Variants in CREB3L2 observed in about 807,000 individuals in gnomAD.
CREB3L2 encodes the protein cAMP responsive element binding protein 3 like 2, also known as cyclic AMP-responsive element-binding protein 3-like protein 2.
In CREB3L2, 23 loss-of-function variants were observed where a neutral mutation model predicts 57.2. That is an observed-to-expected ratio of 0.40 (90% CI 0.29 to 0.57). CREB3L2 has a LOEUF of 0.57. Ranked by LOEUF, CREB3L2 falls within the 20% of genes least tolerant of loss-of-function variation. The pLI, the probability that CREB3L2 is intolerant of heterozygous loss-of-function variation, is 0.42. For missense variants in CREB3L2, 628 were observed against 634.7 expected, an observed-to-expected ratio of 0.99 and a Z score of 0.11; for synonymous variants, 268 against 265.1, an observed-to-expected ratio of 1.01 and a Z score of -0.11.
rs115510765 is a variant in CREB3L2, at chr7:137,879,248, G to A, written c.*1228C>T. 3.8e-3 allele frequency: 2,012 copies of A among 535,338 alleles called. 37 individuals carry two copies. Among genetic ancestry groups the A allele is most frequent in the African/African-American group, 0.033 (1,793 of 53,894 alleles). 33.2% of individuals were successfully genotyped at this position (535,338 alleles called of 1,614,324 possible). On this transcript the variant is annotated 3_prime_UTR_variant, in exon 12 of 12. Transcript: ENST00000330387. ...GGCGAGCTGCAAAGTAGCCAAACCT[G>A]ACTACCAAAGGTAAGAATGTGGATA...
chr7:137,986,004 GA>G (rs796153199), intron 1 of CREB3L2, among the ~76,000 whole-genome samples: 36 of 151,014 alleles, frequency 2.4e-4, no homozygotes, highest in Non-Finnish European at 4.0e-4. Context: ...AACTATTGGA[GA>G]AAAAAAAATA....
At position 137,946,890 on chromosome 7, in the gene CREB3L2, A is replaced by ATC. The variant is rs1187850801; in HGVS notation, c.103-18525_103-18524insGA. Among the ~76,000 whole-genome samples the ATC allele has an allele frequency of 1.8e-4, 8 of 44,248 alleles. 1 individual carries two copies. Among genetic ancestry groups the ATC allele is most frequent in the South Asian group, 7.3e-4 (1 of 1,368 alleles). 29.0% of individuals were successfully genotyped at this position (44,248 alleles called of 152,430 possible). A position where few individuals can be genotyped will look rare whatever the true frequency, so the allele number is the denominator to read the frequency against. On this transcript the variant is annotated intron_variant, in intron 1 of 11. Transcript: ENST00000330387. ...TATATATATAGTTATCTATATAGTT[A>ATC]TATATATAGTTATATATATAGTTAT...
chr7:137,901,584 A>G (rs920517691), intron 7 of CREB3L2, among the ~76,000 whole-genome samples, 162 bp from the exon 8 acceptor site: 3 of 144,788 alleles, frequency 2.1e-5, no homozygotes, highest in Non-Finnish European at 4.6e-5. Context: ...GAGACTTAAG[A>G]AAAAAAAAAA....
intron 9 of CREB3L2, 136 bp downstream of exon 9, chr7:137,885,267 G>A (rs1434554266): frequency 8.4e-6 from 10 of 1,185,788 alleles, no homozygotes; most frequent in African/African-American, 3.1e-5. Flanking sequence ...GTGCCTCACC[G>A]AGGAACAGCC....
intron 1 of CREB3L2, among the ~76,000 whole-genome samples, chr7:137,969,514 T>A (rs1218688017): frequency 2.0e-5 from 3 of 148,556 alleles, no homozygotes; most frequent in Admixed American, 6.7e-5. Flanking sequence ...ACCCGGCTAA[T>A]TTTTTTTTTG....
At chr7:137,978,404 G>T (rs2117311286) in intron 1 of CREB3L2, among the ~76,000 whole-genome samples, 1 of 152,278 alleles carries the variant, frequency 6.6e-6, no homozygotes, top group South Asian at 2.1e-4. Context: ...AGTGGCAGCT[G>T]CTTCCTTTAA....
chr7:137,899,067 G>A lies in CREB3L2; in HGVS notation c.1043+2287C>T, dbSNP rs372783388. On this transcript the variant is annotated intron_variant, in intron 8 of 11. Transcript: ENST00000330387. ...AAAAAGAAAGAAAGAAAAAGAAAGA[G>A]AAAGAAAGAAAAGGAAGAAAAAGGA... Among the ~76,000 whole-genome samples the A allele has an allele frequency of 2.0e-4, 7 of 34,176 alleles. No homozygotes were observed. In the South Asian group the frequency reaches 3.6e-3, roughly 17 times the overall value. 22.4% of individuals were successfully genotyped at this position (34,176 alleles called of 152,430 possible).
At chr7:137,976,161 G>A (rs951396475) in intron 1 of CREB3L2, among the ~76,000 whole-genome samples, 4 of 152,218 alleles carry the variant, frequency 2.6e-5, no homozygotes, top group Non-Finnish European at 5.9e-5. Context: ...TATTTTATCA[G>A]CCAGGAGTCT....
intron 6 of CREB3L2, among the ~76,000 whole-genome samples, chr7:137,904,436 C>T (rs545998947): frequency 1.1e-3 from 171 of 152,100 alleles, no homozygotes; most frequent in African/African-American, 3.8e-3. Flanking sequence ...GAGGCCAAGG[C>T]GGGTAGATCA....
Position 137,928,309 on chromosome 7 carries a change from C to T in CREB3L2, c.160G>A (p.Asp54Asn), listed in dbSNP as rs777820537. ...SQNVLGQLLN[D>N]PFLSEKSVSM... Reference sequence around the variant, plus strand: ...ACACTCTTCTCTGAGAGGAAAGGATCATTCAGGAGCTGACCCAAGACGTTC... The same window carrying T: ...ACACTCTTCTCTGAGAGGAAAGGATTATTCAGGAGCTGACCCAAGACGTTC... Residue 54 changes from aspartate (D) to asparagine (N), a missense_variant, in exon 2 of 12, where the codon GAT becomes AAT. Physicochemically the swap from Asp to Asn is conservative, Grantham distance 23 (BLOSUM62 1). Transcript: ENST00000330387. 9 of 1,614,154 alleles carry T rather than the reference C, an allele frequency of 5.6e-6. No homozygotes were observed. The South Asian group carries it at 6.6e-5, about 12-fold the overall frequency.
At chr7:137,944,447 C>T (rs920260559) in intron 1 of CREB3L2, among the ~76,000 whole-genome samples, 5 of 152,276 alleles carry the variant, frequency 3.3e-5, no homozygotes, top group Admixed American at 1.3e-4. Flanking sequence ...GAACCGACCA[C>T]GGAAAAAGTA....
intron 3 of CREB3L2, among the ~76,000 whole-genome samples, chr7:137,915,233 G>A (rs1002338262): frequency 6.6e-6 from 1 of 151,912 alleles, no homozygotes; most frequent in African/African-American, 2.4e-5. Flanking sequence ...TTCTACTTGC[G>A]GTAGGCATGG....
At chr7:137,922,386 A>G (rs28656868) in intron 2 of CREB3L2, among the ~76,000 whole-genome samples, 862 of 14,848 alleles carry the variant, frequency 0.058, 15 homozygotes, top group East Asian at 0.35. Flanking sequence ...ATATATATGT[A>G]TATATATATA....
chr7:137,899,057 A>AAAAG (rs201354013), intron 8 of CREB3L2, among the ~76,000 whole-genome samples: 9 of 147,852 alleles, frequency 6.1e-5, no homozygotes, highest in African/African-American at 1.0e-4. Flanking sequence ...GAAAGAAAGA[A>AAAAG]AAAGAAAGAG....
chr7:137,975,511 G>A (rs1421472313), intron 1 of CREB3L2, among the ~76,000 whole-genome samples: 1 of 152,174 alleles, frequency 6.6e-6, no homozygotes, highest in Non-Finnish European at 1.5e-5. Flanking sequence ...TCACAGGCAA[G>A]ACAGAAGAGC....
rs544510136 is a variant in CREB3L2, at chr7:137,920,615, A to T, written c.320-4603T>A. 1.6e-4 allele frequency among the ~76,000 whole-genome samples: 24 copies of T among 152,368 alleles called. No homozygotes were observed. In the South Asian group the frequency reaches 5.0e-3, roughly 32 times the overall value. The stretch of plus-strand genomic sequence containing the variant: ...ATGAAAAATAAATTAAACCCATTAC[A>T]TTAGAATCTATTACAATGAAATGAC... On this transcript the variant is annotated intron_variant, in intron 2 of 11. Coordinates refer to ENST00000330387, the MANE Select transcript of CREB3L2 (RefSeq NM_194071.4).
chr7:138,000,276 G>A (rs540346371), intron 1 of CREB3L2, among the ~76,000 whole-genome samples: 1 of 152,320 alleles, frequency 6.6e-6, no homozygotes, highest in African/African-American at 2.4e-5. Context: ...GATATTTGAG[G>A]AACAACATAC....
In CREB3L2 at chr7:137,880,818, C is replaced by A. The variant is rs1704073047; in HGVS notation, c.1488-267G>T. Among the ~76,000 whole-genome samples the A allele has an allele frequency of 6.6e-6, 1 of 152,158 alleles. No individual in the cohort carries two copies. The highest frequency in any genetic ancestry group is 2.4e-5 in the African/African-American group (1 of 41,414). ...ATAATCATGGTGGCTTGATATTGAT[C>A]TGCTATGAGATGCATTAAATTATTC... On this transcript the variant is annotated intron_variant, in intron 11 of 11. Coordinates refer to ENST00000330387, the MANE Select transcript of CREB3L2 (RefSeq NM_194071.4). The surrounding 1 kb of genome is among the most constrained non-coding windows in gnomAD (Gnocchi z 4.0).
intron 1 of CREB3L2, among the ~76,000 whole-genome samples, chr7:137,975,020 A>AT (rs1415123378): frequency 6.6e-6 from 1 of 152,202 alleles, no homozygotes; most frequent in Non-Finnish European, 1.5e-5. Context: ...AAGAAATGAC[A>AT]TTTCAGCATC....
Sources: allele counts gnomAD v4.1 joint callset (sites outside exome capture counted in the v4.1 genomes callset), GRCh38; gene constraint gnomAD v4.1.1; non-coding constraint Gnocchi (gnomAD v3.1); transcripts MANE v1.5; gene names NCBI Gene and HGNC (gene_info 2026-07-23, HGNC 2026-07-21).